The following SLC6A18 variants were observed in gnomAD, a reference collection of about 807,000 sequenced individuals.
SLC6A18 encodes the protein inactive sodium-dependent neutral amino acid transporter B(0)AT3.
In SLC6A18, 58 loss-of-function variants were observed where a neutral mutation model predicts 62.9. That is an observed-to-expected ratio of 0.92 (90% CI 0.75 to 1.15). SLC6A18 has a LOEUF of 1.15. Ranked by LOEUF, SLC6A18 falls within the 50% of genes most tolerant of loss-of-function variation. SLC6A18 has a pLI of 0.00. For synonymous variants in SLC6A18, 382 were observed against 365.8 expected (o/e 1.04, Z -0.51); for missense variants, 793 against 836.6 (o/e 0.95, Z 0.64).
At position 1,235,217 on chromosome 5, in the gene SLC6A18, G is replaced by A. The variant is rs919593207; in HGVS notation, c.440-264G>A. Among the ~76,000 whole-genome samples, 25 of 152,338 alleles carry A rather than the reference G, an allele frequency of 1.6e-4. No individual in the cohort carries two copies. The East Asian group carries it at 1.9e-3, about 12-fold the overall frequency. On this transcript the variant is annotated intron_variant, in intron 3 of 11. Coordinates refer to ENST00000324642, the MANE Select transcript of SLC6A18 (RefSeq NM_182632.3). ...ACCAGCTTTACATGGTGACAGTGAC[G>A]TCCAAGGGGCTGCAGGCTGCCCCGG...
chr5:1,242,974 GC>G, intron 8 of SLC6A18, 111 bp downstream of exon 8: 1 of 1,279,168 alleles, frequency 7.8e-7, no homozygotes, highest in Non-Finnish European at 1.1e-6. Context: ...CAGACCCAGG[GC>G]CAGGGCCTGT....
At chr5:1,236,771 G>A (rs1440996677) in intron 4 of SLC6A18, among the ~76,000 whole-genome samples, 1 of 152,158 alleles carries the variant, frequency 6.6e-6, no homozygotes, top group African/African-American at 2.4e-5. Flanking sequence ...CCTGTGCAGT[G>A]TCTCAGGACG....
At chr5:1,237,516 G>A (rs1269335204) in intron 4 of SLC6A18, among the ~76,000 whole-genome samples, 1 of 152,154 alleles carries the variant, frequency 6.6e-6, no homozygotes, top group Non-Finnish European at 1.5e-5. Context: ...GTGGACAGGA[G>A]GGAGGCCGGA....
intron 1 of SLC6A18, among the ~76,000 whole-genome samples, chr5:1,227,015 C>T (rs1482398135): frequency 1.3e-5 from 2 of 150,198 alleles, no homozygotes; most frequent in Non-Finnish European, 3.0e-5. Flanking sequence ...CCTTGCCCGC[C>T]GACGCGCCCA....
intron 1 of SLC6A18, among the ~76,000 whole-genome samples, chr5:1,230,926 G>A (rs1044621195): frequency 1.2e-4 from 18 of 152,186 alleles, no homozygotes; most frequent in African/African-American, 4.1e-4. Context: ...CTCGCTTGGG[G>A]AACAGTGCAG....
At chr5:1,227,941 C>T (rs1746623969) in intron 1 of SLC6A18, among the ~76,000 whole-genome samples, 1 of 152,198 alleles carries the variant, frequency 6.6e-6, no homozygotes, top group Non-Finnish European at 1.5e-5. Flanking sequence ...GCTGTGTCCA[C>T]ACACGTGAGG....
chr5:1,237,806 C>T lies in SLC6A18; in HGVS notation c.622-144C>T, dbSNP rs1189024647. ...CTGCACCCCACCATCCCCCAAGGTG[C>T]ACCCCCATCCGTCCTGGTCAATCCC... On this transcript the variant is annotated intron_variant, in intron 4 of 11. Coordinates refer to ENST00000324642, the MANE Select transcript of SLC6A18 (RefSeq NM_182632.3). 13 of 639,288 alleles carry T rather than the reference C, an allele frequency of 2.0e-5. No individual in the cohort carries two copies. The East Asian group carries it at 2.2e-4, about 11-fold the overall frequency. 39.6% of individuals were successfully genotyped at this position (639,288 alleles called of 1,614,324 possible). A position where few individuals can be genotyped will look rare whatever the true frequency, so the allele number is the denominator to read the frequency against.
intron 9 of SLC6A18, 32 bp from the exon 10 acceptor site, chr5:1,244,182 T>G: frequency 1.6e-4 from 50 of 317,984 alleles, no homozygotes; most frequent in Non-Finnish European, 2.5e-4. Flanking sequence ...CCCCATCCCC[T>G]TACCCCCCAC....
chr5:1,241,673 A>G lies in SLC6A18; in HGVS notation c.974+1014A>G, dbSNP rs1253280526. On this transcript the variant is annotated intron_variant, in intron 7 of 11. Transcript: ENST00000324642. This position sits in a 1 kb window ranked among gnomAD's most constrained non-coding sequence, Gnocchi z 7.8. Reference sequence around the variant, plus strand: ...GCCGGGTCAGGGAGGACGGTGATTTATAGGATTTACAGGATGAGCCGGGTC... The same window carrying G: ...GCCGGGTCAGGGAGGACGGTGATTTGTAGGATTTACAGGATGAGCCGGGTC... 6.6e-6 allele frequency among the ~76,000 whole-genome samples: 1 copy of G among 152,116 alleles called. No homozygotes were observed. The highest frequency in any genetic ancestry group is 1.5e-5 in the Non-Finnish European group (1 of 68,024).
At chr5:1,245,725 C>CT (rs1747199333) in intron 11 of SLC6A18, 123 bp from the exon 12 acceptor site, 1 of 1,099,876 alleles carries the variant, frequency 9.1e-7, no homozygotes, top group African/African-American at 1.6e-5. Flanking sequence ...CTGGCCGTGC[C>CT]TTTTCCATTC....
At chr5:1,240,876 C>T (rs1255341744) in intron 7 of SLC6A18, among the ~76,000 whole-genome samples, 1 of 152,192 alleles carries the variant, frequency 6.6e-6, no homozygotes, top group Non-Finnish European at 1.5e-5. Flanking sequence ...TAAGTAGGAT[C>T]GGTCTCTCTG....
chr5:1,231,120 G>A (rs146660404), intron 1 of SLC6A18, among the ~76,000 whole-genome samples: 1,622 of 152,276 alleles, frequency 0.011, 32 homozygotes, highest in African/African-American at 0.037. Flanking sequence ...CAGCTCTGCC[G>A]CTGGGGCCAG....
chr5:1,239,967 T>A (rs1300167799), intron 6 of SLC6A18, among the ~76,000 whole-genome samples: 1 of 152,246 alleles, frequency 6.6e-6, no homozygotes, highest in East Asian at 1.9e-4. Context: ...CCCAGTGCAC[T>A]GTGATGAACC....
intron 7 of SLC6A18, 47 bp downstream of exon 7, chr5:1,240,706 C>G (rs746699397): frequency 1.9e-6 from 3 of 1,606,440 alleles, no homozygotes; most frequent in Middle Eastern, 3.3e-4. Context: ...AGCCGCCAGA[C>G]AGGTGCCTGC....
Position 1,239,468 on chromosome 5 carries a change from C to G in SLC6A18, c.751C>G (p.Pro251Ala), listed in dbSNP as rs755316271. The change falls in exon 6 of 12, where the codon CCC becomes GCC. Residue 251 changes from proline (P) to alanine (A), a missense_variant. By Grantham distance (27) the Pro-to-Ala change is conservative. Coordinates refer to ENST00000324642, the MANE Select transcript of SLC6A18 (RefSeq NM_182632.3). ...ATTCCAGATGCACATTCTCCAGAAC[C>G]CCCGGGTGTGGCTGGACGCAGCCAC... ...FTPNMHILQN[P>A]RVWLDAATQI... The G allele has an allele frequency of 1.2e-6, 2 of 1,614,064 alleles. No individual in the cohort carries two copies. The highest frequency in any genetic ancestry group is 1.7e-6 in the Non-Finnish European group (2 of 1,179,918).
intron 4 of SLC6A18, 24 bp downstream of exon 4, chr5:1,235,686 C>T (rs1746867144): frequency 1.2e-6 from 2 of 1,612,360 alleles, no homozygotes; most frequent in Non-Finnish European, 8.5e-7. Context: ...GGGCCTGATC[C>T]CCTCTCTTGC....
chr5:1,231,804 T>G (rs749730292), intron 1 of SLC6A18, among the ~76,000 whole-genome samples: 38 of 152,180 alleles, frequency 2.5e-4, no homozygotes, highest in Admixed American at 9.2e-4. Flanking sequence ...TTCAGTGTGA[T>G]TCCGCCAGGC....
chr5:1,242,980 G>A, intron 8 of SLC6A18, 117 bp downstream of exon 8: 1 of 1,246,928 alleles, frequency 8.0e-7, no homozygotes, highest in Non-Finnish European at 1.1e-6. Context: ...CAGGGCCAGG[G>A]CCTGTGAACC....
intron 10 of SLC6A18, 47 bp downstream of exon 10, chr5:1,244,420 G>A (rs1237669128): frequency 6.2e-7 from 1 of 1,607,516 alleles, no homozygotes; most frequent in Admixed American, 1.7e-5. Flanking sequence ...CACCAGGGTG[G>A]GACAGGGAAT....
Sources: allele counts gnomAD v4.1 joint callset (sites outside exome capture counted in the v4.1 genomes callset), GRCh38; gene constraint gnomAD v4.1.1; non-coding constraint Gnocchi (gnomAD v3.1); transcripts MANE v1.5; gene names NCBI Gene and HGNC (gene_info 2026-07-23, HGNC 2026-07-21).